The following MED25 variants were observed in gnomAD, a reference collection of about 807,000 sequenced individuals.
The protein encoded by MED25 is mediator of RNA polymerase II transcription subunit 25.
Under a neutral mutation model 89.4 loss-of-function variants are expected in MED25, and 62 were observed. That is an observed-to-expected ratio of 0.69 (90% confidence interval 0.57 to 0.86). The LOEUF (loss-of-function observed/expected upper bound fraction) is 0.86, where lower values mean the gene tolerates loss of function less well. MED25 is among the 40% of genes least tolerant of loss of function. MED25 has a pLI of 0.00. For missense variants in MED25, 905 were observed against 1,005.2 expected, an observed-to-expected ratio of 0.90 and a Z score of 1.35; for synonymous variants, 449 against 427.9, an observed-to-expected ratio of 1.05 and a Z score of -0.61.
At position 49,831,369 on chromosome 19, in the gene MED25, T is replaced by TCCCCAGCCCAGCTGGGAG. The variant is rs765219800; in HGVS notation, c.1148_1165dup (p.Gln383_Ala388dup). ...GGCCCCAGGAGGGGTGAGCGGCCCT[T>TCCCCAGCCCAGCTGGGAG]CCCCAGCCCAGCTGGGAGCCCCAGC... is the stretch of plus-strand genomic sequence containing the variant. On this transcript the variant is annotated inframe_insertion, in exon 10 of 18. Transcript: ENST00000312865. This position sits in a 1 kb window ranked among gnomAD's most constrained non-coding sequence, Gnocchi z 5.0. The TCCCCAGCCCAGCTGGGAG allele has an allele frequency of 3.9e-5, 63 of 1,610,754 alleles. No individual in the cohort carries two copies. The highest frequency in any genetic ancestry group is 8.9e-5 in the South Asian group (8 of 90,190).
chr19:49,825,762 C>T (rs2074011541), intron 3 of MED25, among the ~76,000 whole-genome samples: 1 of 151,588 alleles, frequency 6.6e-6, no homozygotes, highest in South Asian at 2.1e-4. Context: ...ACCCAGAAGT[C>T]GAAGGTAGTG....
At chr19:49,837,399 C>T (rs532307050), downstream of MED25, among the ~76,000 whole-genome samples, 2 of 152,354 alleles carry the variant, frequency 1.3e-5, no homozygotes, top group East Asian at 3.9e-4. Flanking sequence ...GCTTTTGGAG[C>T]ATGAGCATGT....
At chr19:49,832,777 T>C in intron 13 of MED25, 1 of 350,808 alleles carries the variant, frequency 2.9e-6, no homozygotes, top group Non-Finnish European at 5.5e-6. Context: ...ATCCCAGTTC[T>C]GGAGGCCAGA....
rs1334923019 is a variant in MED25, at chr19:49,835,497, C to G, written c.1675-37C>G. On this transcript the variant is annotated intron_variant, in intron 14 of 17. Coordinates refer to ENST00000312865, the MANE Select transcript of MED25 (RefSeq NM_030973.4). The surrounding 1 kb of genome is among the most constrained non-coding windows in gnomAD (Gnocchi z 6.2). ...CCGCCTCAGATTCAGGATGCCACCACCCTCAGTTACTGACCTGCCCCTCTC... is the reference window on the plus strand; with the variant it reads ...CCGCCTCAGATTCAGGATGCCACCAGCCTCAGTTACTGACCTGCCCCTCTC... The G allele has an allele frequency of 6.6e-7, 1 of 1,508,856 alleles. No homozygotes were observed. The highest frequency in any genetic ancestry group is 2.2e-5 in the Admixed American group (1 of 45,972). The allele number at this position is 1,508,856 out of a possible 1,614,324, so 93.5% of individuals were successfully genotyped here.
chr19:49,838,117 C>G (rs1374799118), downstream of MED25, among the ~76,000 whole-genome samples: 6 of 152,172 alleles, frequency 3.9e-5, no homozygotes, highest in Admixed American at 2.6e-4. Flanking sequence ...GGACCACCAG[C>G]ATCCACATCA....
At position 49,836,574 on chromosome 19, in the gene MED25, T is replaced by A. The variant is rs1347735067; in HGVS notation, c.2146+168T>A. 1.2e-6 allele frequency: 1 copy of A among 861,148 alleles called. No individual in the cohort carries two copies. Among genetic ancestry groups the A allele is most frequent in the Non-Finnish European group, 1.9e-6 (1 of 520,044 alleles). The allele number at this position is 861,148 out of a possible 1,614,324, so 53.3% of individuals were successfully genotyped here. ...GAGGGCTCCGGGAAAGTACAGCCCA[T>A]GGGTCCAAGGACCTAGTGGGTTAAG... On this transcript the variant is annotated intron_variant, in intron 17 of 17. Coordinates refer to ENST00000312865, the MANE Select transcript of MED25 (RefSeq NM_030973.4). The surrounding 1 kb of genome is among the most constrained non-coding windows in gnomAD (Gnocchi z 5.1).
At position 49,835,461 on chromosome 19, in the gene MED25, C is replaced by T; in HGVS notation, c.1675-73C>T. 2.1e-6 allele frequency: 3 copies of T among 1,425,488 alleles called. No homozygotes were observed. The highest frequency in any genetic ancestry group is 2.5e-5 in the East Asian group (1 of 40,050). The allele number at this position is 1,425,488 out of a possible 1,614,324, so 88.3% of individuals were successfully genotyped here. A position where few individuals can be genotyped will look rare whatever the true frequency, so the allele number is the denominator to read the frequency against. On this transcript the variant is annotated intron_variant, in intron 14 of 17. Transcript: ENST00000312865. This position sits in a 1 kb window ranked among gnomAD's most constrained non-coding sequence, Gnocchi z 6.2. ...ATCTCCTTACTAGTTCCCCTCAGGGCACAGGCCCTCCCGCCTCAGATTCAG... is the reference window on the plus strand; with the variant it reads ...ATCTCCTTACTAGTTCCCCTCAGGGTACAGGCCCTCCCGCCTCAGATTCAG...
chr19:49,823,896 A>G (rs866992640), intron 3 of MED25, among the ~76,000 whole-genome samples: 5 of 152,280 alleles, frequency 3.3e-5, no homozygotes, highest in Non-Finnish European at 2.9e-5. Context: ...TCTACTCACT[A>G]GATGCCGGTA....
intron 13 of MED25, chr19:49,832,762 G>C (rs77929524): frequency 0.015 from 5,387 of 369,828 alleles, 253 homozygotes; most frequent in East Asian, 0.14. Flanking sequence ...ACAGAAACGT[G>C]TTCTATCCCA....
downstream of MED25, chr19:49,839,907 T>G (rs2074122866): frequency 6.6e-6 from 1 of 152,218 alleles, no homozygotes; most frequent in African/African-American, 2.4e-5. Flanking sequence ...ATGTTTCTTG[T>G]GTGAATGCAG....
intron 3 of MED25, among the ~76,000 whole-genome samples, chr19:49,823,856 A>G (rs1032986244): frequency 1.3e-5 from 2 of 152,054 alleles, no homozygotes; most frequent in African/African-American, 4.8e-5. Context: ...CGTCCTGGGT[A>G]TTGTAGGATG....
rs1273909339 is a variant in MED25 at position 49,829,595 on chromosome 19, C to T, written c.526-191C>T. On this transcript the variant is annotated intron_variant, in intron 5 of 17. Coordinates refer to ENST00000312865, the MANE Select transcript of MED25 (RefSeq NM_030973.4). The surrounding 1 kb of genome is among the most constrained non-coding windows in gnomAD (Gnocchi z 4.6). Reference sequence around the variant, plus strand: ...CACCTGGCCCACTTAGTCTTACTGACAAAACTAGAACCCAGAGTCTCCCGG... The same window carrying T: ...CACCTGGCCCACTTAGTCTTACTGATAAAACTAGAACCCAGAGTCTCCCGG... 1.3e-5 allele frequency among the ~76,000 whole-genome samples: 2 copies of T among 152,104 alleles called. No homozygotes were observed. Among genetic ancestry groups the T allele is most frequent in the Non-Finnish European group, 2.9e-5 (2 of 68,008 alleles).
chr19:49,831,448 T>C lies in MED25; in HGVS notation c.1217T>C (p.Leu406Pro). The C allele has an allele frequency of 1.2e-6, 2 of 1,612,462 alleles. No individual in the cohort carries two copies. The highest frequency in any genetic ancestry group is 8.5e-7 in the Non-Finnish European group (1 of 1,179,414). Residue 406 changes from leucine (L) to proline (P), a missense_variant, in exon 10 of 18, where the codon CTG becomes CCG. By Grantham distance (98) the Leu-to-Pro change is moderately conservative (BLOSUM62 -3). Coordinates refer to ENST00000312865, the MANE Select transcript of MED25 (RefSeq NM_030973.4). The surrounding 1 kb of genome is among the most constrained non-coding windows in gnomAD (Gnocchi z 5.0). ...AAGCTTCTGGCCTGGAGCGGGGTCC[T>C]GGAGTGGCAAGAGGTGAGGGGCCTG... ...SNKLLAWSGV[L>P]EWQEKPKPAS...
chr19:49,829,750 GGGGCCCGTCATGAC>G lies in MED25; in HGVS notation c.526-35_526-22del. 1 of 1,559,586 alleles carries G rather than the reference GGGGCCCGTCATGAC, an allele frequency of 6.4e-7. No individual in the cohort carries two copies. The highest frequency in any genetic ancestry group is 8.7e-7 in the Non-Finnish European group (1 of 1,151,538). On this transcript the variant is annotated intron_variant, in intron 5 of 17. Transcript: ENST00000312865. This position sits in a 1 kb window ranked among gnomAD's most constrained non-coding sequence, Gnocchi z 4.6. The stretch of plus-strand genomic sequence containing the variant: ...GGCCGGCCCCAACACCCTTATGGAG[GGGGCCCGTCATGAC>G]TGCTCGGCCCCTCTCCTACAGCGGG...
intron 3 of MED25, among the ~76,000 whole-genome samples, chr19:49,824,378 G>A (rs1237388525): frequency 1.3e-5 from 2 of 152,122 alleles, no homozygotes; most frequent in South Asian, 2.1e-4. Context: ...GGCTTCAGGA[G>A]ACTGGCTGAA....
At chr19:49,823,815 T>C (rs2073998852) in intron 3 of MED25, among the ~76,000 whole-genome samples, 3 of 152,150 alleles carry the variant, frequency 2.0e-5, no homozygotes, top group Admixed American at 2.0e-4. Context: ...CTAGTGACAC[T>C]GTGGACACAG....
At chr19:49,823,515 A>G (rs1372405312) in intron 3 of MED25, among the ~76,000 whole-genome samples, 1 of 151,548 alleles carries the variant, frequency 6.6e-6, no homozygotes, top group Non-Finnish European at 1.5e-5. Context: ...GCAAATGGAT[A>G]ATGGTCGCGT....
At chr19:49,827,774 G>A (rs934968214) in intron 3 of MED25, among the ~76,000 whole-genome samples, 1 of 152,170 alleles carries the variant, frequency 6.6e-6, no homozygotes, top group African/African-American at 2.4e-5. Context: ...CTGGGAAGGT[G>A]AAGTGGGGCC....
At chr19:49,825,992 G>C (rs1328076947) in intron 3 of MED25, among the ~76,000 whole-genome samples, 1 of 152,064 alleles carries the variant, frequency 6.6e-6, no homozygotes, top group Non-Finnish European at 1.5e-5. Context: ...AGAACAGCTG[G>C]GTCCAGAGTT....
Sources: allele counts gnomAD v4.1 joint callset (sites outside exome capture counted in the v4.1 genomes callset), GRCh38; gene constraint gnomAD v4.1.1; non-coding constraint Gnocchi (gnomAD v3.1); transcripts MANE v1.5; gene names NCBI Gene and HGNC (gene_info 2026-07-23, HGNC 2026-07-21).